Variants in DAZAP1 observed in about 807,000 individuals in gnomAD.
DAZAP1 encodes DAZ-associated protein 1.
Under a neutral mutation model 60.1 loss-of-function variants are expected in DAZAP1, and 6 were observed. That is an observed-to-expected ratio of 0.10 (90% CI 0.05 to 0.20). The LOEUF is 0.20. Ranked by LOEUF, DAZAP1 falls within the 10% of genes least tolerant of loss-of-function variation. The pLI is 1.00. For synonymous variants in DAZAP1, 235 were observed against 215.9 expected (o/e 1.09, Z -0.78); for missense variants, 366 against 560.4 (o/e 0.65, Z 3.50).
Position 1,418,406 on chromosome 19 carries a change from G to A in DAZAP1, c.237+36G>A. 2 of 1,604,534 alleles carry A rather than the reference G, an allele frequency of 1.2e-6. No homozygotes were observed. The highest frequency in any genetic ancestry group is 2.2e-5 in the South Asian group (2 of 90,690). On this transcript the variant is annotated intron_variant, in intron 3 of 11. Transcript: ENST00000233078. This position sits in a 1 kb window ranked among gnomAD's most constrained non-coding sequence, Gnocchi z 5.7. The stretch of plus-strand genomic sequence containing the variant: ...TTCCGGGAGCTCACACCCGCTCTCT[G>A]TCTCCCCTGTCCTTCCTCTGCTTCA...
rs369991493 is a variant in DAZAP1, at chr19:1,422,592, C to A, written c.463+196C>A. Among the ~76,000 whole-genome samples, 1 of 152,204 alleles carries A rather than the reference C, an allele frequency of 6.6e-6. No individual in the cohort carries two copies. The highest frequency in any genetic ancestry group is 1.5e-5 in the Non-Finnish European group (1 of 68,040). On this transcript the variant is annotated intron_variant, in intron 6 of 11. Coordinates refer to ENST00000233078, the MANE Select transcript of DAZAP1 (RefSeq NM_018959.4). This position sits in a 1 kb window ranked among gnomAD's most constrained non-coding sequence, Gnocchi z 4.5. ...CCTGTCTGTGCTTCCCGAGGTCAGACGTCACACATTGTTTTTTGGCTTGTT... is the reference window on the plus strand; with the variant it reads ...CCTGTCTGTGCTTCCCGAGGTCAGAAGTCACACATTGTTTTTTGGCTTGTT...
intron 1 of DAZAP1, among the ~76,000 whole-genome samples, chr19:1,415,355 G>T (rs1361221783): frequency 8.0e-6 from 1 of 124,772 alleles, no homozygotes; most frequent in Non-Finnish European, 1.8e-5. Context: ...AGGGTTTTAT[G>T]TGTGTGTGTG....
rs1448808794 is a variant in DAZAP1, at chr19:1,430,242, G to T, written c.751G>T (p.Ala251Ser). 2 of 1,548,980 alleles carry T rather than the reference G, an allele frequency of 1.3e-6. No individual in the cohort carries two copies. Among genetic ancestry groups the T allele is most frequent in the Admixed American group, 1.9e-5 (1 of 52,378 alleles). ...TTCAGGTGGCTATGGACCGCCCCCT[G>T]CAGGAAGAGGAGCCCCCCCGCCACC... Reference protein sequence around the residue: ...QAIGGYGPPPAGRGAPPPPPP... With the variant: ...QAIGGYGPPPSGRGAPPPPPP... The change falls in exon 10 of 12, where the codon GCA (alanine) becomes TCA (serine). Residue 251 changes from alanine to serine, a missense_variant. By Grantham distance (99) the Ala-to-Ser change is moderately conservative. Transcript: ENST00000233078.
intron 1 of DAZAP1, among the ~76,000 whole-genome samples, chr19:1,412,962 G>A (rs1241453608): frequency 6.6e-6 from 1 of 152,234 alleles, no homozygotes; most frequent in Non-Finnish European, 1.5e-5. Flanking sequence ...TTTTGGGTTT[G>A]TGGGGTGTGA....
chr19:1,432,333 G>A lies in DAZAP1; in HGVS notation c.872-181G>A, dbSNP rs573702139. On this transcript the variant is annotated intron_variant, in intron 10 of 11. Transcript: ENST00000233078. The surrounding 1 kb of genome is among the most constrained non-coding windows in gnomAD (Gnocchi z 4.9). ...CCCAGGAGTGTGTGTTTCCTGGGGG[G>A]AGCGGCCCGGGACCGTGGCTCTGTG... 9 of 662,830 alleles carry A rather than the reference G, an allele frequency of 1.4e-5. No homozygotes were observed. The highest frequency in any genetic ancestry group is 9.9e-5 in the Admixed American group (4 of 40,528). The allele number at this position is 662,830 out of a possible 1,614,324, so 41.1% of individuals were successfully genotyped here. A position where few individuals can be genotyped will look rare whatever the true frequency, so the allele number is the denominator to read the frequency against.
rs1160001818 is a variant in DAZAP1 at position 1,434,815 on chromosome 19, C to T, written c.1127C>T (p.Pro376Leu). 1 of 1,610,832 alleles carries T rather than the reference C, an allele frequency of 6.2e-7. No homozygotes were observed. Among genetic ancestry groups the T allele is most frequent in the Non-Finnish European group, 8.5e-7 (1 of 1,178,736 alleles). The stretch of plus-strand genomic sequence containing the variant: ...CAGCAGCCTCCTTCCTACGGGGGTC[C>T]CTCCGTGCCAGGGTCGGGGGGCCCC... Reference protein sequence around the residue: ...PSQQPPSYGGPSVPGSGGPPA... With the variant: ...PSQQPPSYGGLSVPGSGGPPA... The change falls in exon 12 of 12, where the codon CCC becomes CTC. Residue 376 changes from proline to leucine, a missense_variant. Transcript: ENST00000233078. The surrounding 1 kb of genome is among the most constrained non-coding windows in gnomAD (Gnocchi z 8.0).
chr19:1,421,372 G>T, intron 5 of DAZAP1, 114 bp downstream of exon 5: 2 of 857,946 alleles, frequency 2.3e-6, no homozygotes, highest in Non-Finnish European at 1.8e-6. Flanking sequence ...TTTCAGGCTG[G>T]GAGCTCGCTG....
At position 1,430,551 on chromosome 19, in the gene DAZAP1, G is replaced by A. The variant is rs140323305; in HGVS notation, c.871+189G>A. 2.4e-3 allele frequency among the ~76,000 whole-genome samples: 371 copies of A among 152,310 alleles called. 5 individuals are homozygous for A. The highest frequency in any genetic ancestry group is 8.6e-3 in the African/African-American group (358 of 41,576). The stretch of plus-strand genomic sequence containing the variant: ...GGCTCCATCGCCTGTGGCCTCGCTG[G>A]TTAGGCTAAAGGGCAGCCCGGGCTC... On this transcript the variant is annotated intron_variant, in intron 10 of 11. Coordinates refer to ENST00000233078, the MANE Select transcript of DAZAP1 (RefSeq NM_018959.4).
rs1235082181 is a variant in DAZAP1 at position 1,433,961 on chromosome 19, C to G, written c.1049-776C>G. 4 of 761,880 alleles carry G rather than the reference C, an allele frequency of 5.3e-6. No homozygotes were observed. The Admixed American group carries it at 9.8e-5, about 19-fold the overall frequency. The allele number at this position is 761,880 out of a possible 1,614,324, so 47.2% of individuals were successfully genotyped here. ...GAAGGGGCCCTTGCCGGTGCCAAGA[C>G]ATTGGCCACAAGCCTTCAGCGGGCC... is the stretch of plus-strand genomic sequence containing the variant. On this transcript the variant is annotated intron_variant, in intron 11 of 11. Coordinates refer to ENST00000233078, the MANE Select transcript of DAZAP1 (RefSeq NM_018959.4). This position sits in a 1 kb window ranked among gnomAD's most constrained non-coding sequence, Gnocchi z 6.1.
Position 1,422,416 on chromosome 19 carries a change from G to T in DAZAP1, c.463+20G>T. ...CCCGAGGTAAGGGCAGATCTAGTTTGACCTCGGCCTTCTCCCTGCTCCTCC... is the reference window on the plus strand; with the variant it reads ...CCCGAGGTAAGGGCAGATCTAGTTTTACCTCGGCCTTCTCCCTGCTCCTCC... On this transcript the variant is annotated intron_variant, in intron 6 of 11. Coordinates refer to ENST00000233078, the MANE Select transcript of DAZAP1 (RefSeq NM_018959.4). This position sits in a 1 kb window ranked among gnomAD's most constrained non-coding sequence, Gnocchi z 4.5. The T allele has an allele frequency of 1.2e-6, 2 of 1,612,572 alleles. No homozygotes were observed. Among genetic ancestry groups the T allele is most frequent in the Non-Finnish European group, 1.7e-6 (2 of 1,178,928 alleles).
intron 4 of DAZAP1, 86 bp from the exon 5 acceptor site, chr19:1,421,062 G>A (rs902369859): frequency 1.3e-5 from 15 of 1,192,518 alleles, no homozygotes; most frequent in Admixed American, 3.5e-5. Context: ...TTAAACCAGC[G>A]CGGATTGGCC....
chr19:1,408,489 C>T (rs1478237573), intron 1 of DAZAP1, among the ~76,000 whole-genome samples: 1 of 152,250 alleles, frequency 6.6e-6, no homozygotes, highest in African/African-American at 2.4e-5. Flanking sequence ...GGTTCTGCCA[C>T]CGCCCAACCT....
chr19:1,412,713 A>G (rs1052037660), intron 1 of DAZAP1, among the ~76,000 whole-genome samples: 1 of 152,242 alleles, frequency 6.6e-6, no homozygotes, highest in Admixed American at 6.5e-5. Context: ...AATGGCACGC[A>G]GCAAGCGAGG....
At chr19:1,411,906 C>T (rs1323166222) in intron 1 of DAZAP1, among the ~76,000 whole-genome samples, 1 of 152,256 alleles carries the variant, frequency 6.6e-6, no homozygotes, top group Non-Finnish European at 1.5e-5. Flanking sequence ...CTTTTCCCAT[C>T]CAGGCCTGGT....
intron 1 of DAZAP1, among the ~76,000 whole-genome samples, chr19:1,408,098 G>A (rs919212826): frequency 6.6e-6 from 1 of 151,710 alleles, no homozygotes; most frequent in Non-Finnish European, 1.5e-5. Context: ...TTCCTGGTCG[G>A]GGGAACCCCG....
At position 1,422,968 on chromosome 19, in the gene DAZAP1, C is replaced by T. The variant is rs1163967711; in HGVS notation, c.463+572C>T. Among the ~76,000 whole-genome samples the T allele has an allele frequency of 2.0e-5, 3 of 152,158 alleles. No individual in the cohort carries two copies. The highest frequency in any genetic ancestry group is 4.4e-5 in the Non-Finnish European group (3 of 68,042). ...TCCCTCAGCTTCTTGCACACCCATC[C>T]ATGCTGGTTTGTGGAGCTGGGACGA... On this transcript the variant is annotated intron_variant, in intron 6 of 11. Transcript: ENST00000233078. The surrounding 1 kb of genome is among the most constrained non-coding windows in gnomAD (Gnocchi z 4.5).
Position 1,434,943 on chromosome 19 carries a change from G to T in DAZAP1, c.*31G>T. 8.4e-7 allele frequency: 1 copy of T among 1,187,782 alleles called. No homozygotes were observed. The highest frequency in any genetic ancestry group is 2.2e-5 in the South Asian group (1 of 45,558). The allele number at this position is 1,187,782 out of a possible 1,614,324, so 73.6% of individuals were successfully genotyped here. On this transcript the variant is annotated 3_prime_UTR_variant, in exon 12 of 12. Coordinates refer to ENST00000233078, the MANE Select transcript of DAZAP1 (RefSeq NM_018959.4). The surrounding 1 kb of genome is among the most constrained non-coding windows in gnomAD (Gnocchi z 8.0). ...GGCGCCGCGACGTCTGCACGGCCCA[G>T]ACCCAGGATTCCAAACTTGTGAACT...
intron 1 of DAZAP1, chr19:1,409,939 G>C (rs2082777742): frequency 6.6e-6 from 1 of 152,338 alleles, no homozygotes; most frequent in African/African-American, 2.4e-5. Flanking sequence ...AGGAGATCCC[G>C]CCGGACCCCG....
intron 4 of DAZAP1, among the ~76,000 whole-genome samples, chr19:1,420,399 C>T (rs1351965674): frequency 2.0e-5 from 3 of 151,882 alleles, no homozygotes; most frequent in Non-Finnish European, 2.9e-5. Context: ...CCGACCGTCA[C>T]GGCGGCGAGC....
Sources: allele counts gnomAD v4.1 joint callset (sites outside exome capture counted in the v4.1 genomes callset), GRCh38; gene constraint gnomAD v4.1.1; non-coding constraint Gnocchi (gnomAD v3.1); transcripts MANE v1.5; gene names NCBI Gene and HGNC (gene_info 2026-07-23, HGNC 2026-07-21).